The following SLC2A9 variants were observed in gnomAD, a reference collection of about 807,000 sequenced individuals.
The protein encoded by SLC2A9 is solute carrier family 2 member 9, also known as solute carrier family 2, facilitated glucose transporter member 9.
SLC2A9 carries 39 observed loss-of-function variants against 50.6 expected under a neutral mutation model. That is an observed-to-expected ratio of 0.77 (90% CI 0.60 to 1.01). The LOEUF is 1.01. Ranked by LOEUF, SLC2A9 falls within the 50% of genes least tolerant of loss-of-function variation. SLC2A9 has a pLI of 0.00. For missense variants in SLC2A9, 686 were observed against 677.6 expected (o/e 1.01, Z -0.14); for synonymous variants, 324 against 276.9 (o/e 1.17, Z -1.69).
At chr4:9,880,739 A>C (rs1463538126) in intron 10 of SLC2A9, among the ~76,000 whole-genome samples, 1 of 152,182 alleles carries the variant, frequency 6.6e-6, no homozygotes, top group Non-Finnish European at 1.5e-5. Context: ...ATAACTCGAG[A>C]AGCATTAAAT....
chr4:9,781,195 C>T (rs1300664437), intron 3 of SLC2A9, among the ~76,000 whole-genome samples: 1 of 152,164 alleles, frequency 6.6e-6, no homozygotes, highest in Non-Finnish European at 1.5e-5. Context: ...TTATCCCACG[C>T]TGTGGAGAAG....
chr4:9,875,716 A>G (rs1272162165), intron 10 of SLC2A9, among the ~76,000 whole-genome samples: 2 of 151,774 alleles, frequency 1.3e-5, no homozygotes, highest in African/African-American at 4.8e-5. Context: ...TCCTCTATCC[A>G]CCTCCCCTTT....
chr4:9,830,684 T>C (rs1725983395), intron 11 of SLC2A9, among the ~76,000 whole-genome samples: 1 of 152,198 alleles, frequency 6.6e-6, no homozygotes, highest in Non-Finnish European at 1.5e-5. Flanking sequence ...ATAACTTGAG[T>C]AGAATCAAAG....
intron 5 of SLC2A9, among the ~76,000 whole-genome samples, chr4:9,964,326 C>A (rs373237553): frequency 1.2e-4 from 18 of 152,262 alleles, no homozygotes; most frequent in African/African-American, 4.1e-4. Flanking sequence ...GTTTTGAGAA[C>A]TCTGGTTGTT....
intron 1 of SLC2A9, chr4:10,034,909 G>A (rs560917899): frequency 2.0e-5 from 3 of 152,326 alleles, no homozygotes; most frequent in South Asian, 2.1e-4. Context: ...CAGGTGATGG[G>A]TTTTCTTTGT....
chr4:9,783,645 T>C (rs905631544), intron 3 of SLC2A9: 60 of 636,584 alleles, frequency 9.4e-5, no homozygotes, highest in Non-Finnish European at 8.2e-6. Flanking sequence ...GCAGAAGCAG[T>C]TGCAATAAAC....
intron 3 of SLC2A9, among the ~76,000 whole-genome samples, chr4:9,989,045 A>C (rs545023244): frequency 2.6e-5 from 4 of 152,358 alleles, no homozygotes; most frequent in Admixed American, 2.6e-4. Flanking sequence ...TTTCCAGTAA[A>C]TCTTCAGCCT....
chr4:9,782,600 C>G (rs1224273056), intron 3 of SLC2A9: 2 of 1,613,854 alleles, frequency 1.2e-6, no homozygotes, highest in African/African-American at 2.7e-5. Flanking sequence ...TTGGGGCGGG[C>G]TGGACCTGCC....
chr4:9,946,996 C>T (rs891582484), intron 5 of SLC2A9, among the ~76,000 whole-genome samples: 3 of 152,176 alleles, frequency 2.0e-5, no homozygotes, highest in Non-Finnish European at 4.4e-5. Flanking sequence ...TCCTCCAAGC[C>T]TGCTTTAGGC....
At chr4:9,905,477 T>C (rs550495475) in intron 8 of SLC2A9, among the ~76,000 whole-genome samples, 1 of 152,330 alleles carries the variant, frequency 6.6e-6, no homozygotes, top group Non-Finnish European at 1.5e-5. Context: ...TTAAAGGCAG[T>C]GGCAGGAGTG....
chr4:9,958,338 T>C (rs1266752372), intron 5 of SLC2A9, among the ~76,000 whole-genome samples: 3 of 152,350 alleles, frequency 2.0e-5, no homozygotes, highest in East Asian at 3.9e-4. Context: ...TCATGTACTT[T>C]GCAGGGACAT....
In SLC2A9 at chr4:9,907,922, C is replaced by T. The variant is rs141922336; in HGVS notation, c.1113+313G>A. Among the ~76,000 whole-genome samples, 23 of 152,314 alleles carry T rather than the reference C, an allele frequency of 1.5e-4. No individual in the cohort carries two copies. In the East Asian group the frequency reaches 4.1e-3, roughly 27 times the overall value. On this transcript the variant is annotated intron_variant, in intron 8 of 11. Coordinates refer to ENST00000264784, the MANE Select transcript of SLC2A9 (RefSeq NM_020041.3). Reference sequence around the variant, plus strand: ...AGGACATGCTCCTCTAAAGAGATGCCTGTTTGTTGCCTTAGGTTCCCACAT... The same window carrying T: ...AGGACATGCTCCTCTAAAGAGATGCTTGTTTGTTGCCTTAGGTTCCCACAT...
At chr4:9,803,981 T>A (rs1296268686) in intron 3 of SLC2A9, among the ~76,000 whole-genome samples, 1 of 152,208 alleles carries the variant, frequency 6.6e-6, no homozygotes, top group Non-Finnish European at 1.5e-5. Flanking sequence ...TTACCCTCCC[T>A]GTCTTCCAAC....
At chr4:9,777,419 C>A (rs1055121389), downstream of SLC2A9, among the ~76,000 whole-genome samples, 16 of 151,576 alleles carry the variant, frequency 1.1e-4, no homozygotes, top group African/African-American at 3.9e-4. Context: ...TTTTTCTATA[C>A]TCATTATAAA....
chr4:9,987,402 G>C (rs1756916709), intron 3 of SLC2A9, among the ~76,000 whole-genome samples: 2 of 152,242 alleles, frequency 1.3e-5, no homozygotes, highest in East Asian at 1.9e-4. Context: ...TTACAGGCGT[G>C]AGCCACTGCG....
chr4:9,908,759 G>A (rs1051386300), intron 7 of SLC2A9, among the ~76,000 whole-genome samples: 1 of 152,094 alleles, frequency 6.6e-6, no homozygotes, highest in African/African-American at 2.4e-5. Flanking sequence ...TACTGGGAAT[G>A]TCCAGCTAAA....
chr4:10,025,896 G>A (rs767050290), upstream of SLC2A9: 15 of 1,612,696 alleles, frequency 9.3e-6, no homozygotes, highest in African/African-American at 1.6e-4. Flanking sequence ...AAAAAAAAAA[G>A]GACTGACCAA....
At position 9,850,120 on chromosome 4, in the gene SLC2A9, C is replaced by T. The variant is rs185103206; in HGVS notation, c.1292-15112G>A. 1.8e-4 allele frequency among the ~76,000 whole-genome samples: 27 copies of T among 152,126 alleles called. No homozygotes were observed. In the East Asian group the frequency reaches 4.3e-3, roughly 24 times the overall value. Reference sequence around the variant, plus strand: ...AGCAGGGAAGTCTGGGAACCCTGCACGGGGCTGCTGAGCAATGGGACTTGT... The same window carrying T: ...AGCAGGGAAGTCTGGGAACCCTGCATGGGGCTGCTGAGCAATGGGACTTGT... On this transcript the variant is annotated intron_variant, in intron 10 of 11. Transcript: ENST00000264784.
At chr4:9,799,700 C>CCCCCCACA (rs1553813199) in intron 3 of SLC2A9, among the ~76,000 whole-genome samples, 3 of 93,636 alleles carry the variant, frequency 3.2e-5, no homozygotes, top group South Asian at 4.9e-4. Context: ...GTACCCCCCC[C>CCCCCCACA]CCACCCAACT....
Sources: gnomAD v4.1 joint callset for allele counts (sites outside exome capture counted in the v4.1 genomes callset) on GRCh38, gnomAD v4.1.1 for gene constraint, MANE v1.5 for transcripts, NCBI Gene and HGNC (gene_info 2026-07-23, HGNC 2026-07-21) for gene names.